Variants in HDAC9 observed in about 807,000 individuals in gnomAD.
The protein encoded by HDAC9 is histone deacetylase 9, also known as MEF-2 interacting transcription repressor (MITR) protein.
HDAC9 carries 41 observed loss-of-function variants against 139.4 expected under a neutral mutation model. That is an observed-to-expected ratio of 0.29 (90% CI 0.23 to 0.38). The LOEUF is 0.38. HDAC9 is among the 10% of genes least tolerant of loss of function. HDAC9 has a pLI of 1.00. For missense variants in HDAC9, 1,147 were observed against 1,297.0 expected, an observed-to-expected ratio of 0.88 and a Z score of 1.78; for synonymous variants, 517 against 476.2, an observed-to-expected ratio of 1.09 and a Z score of -1.12.
In HDAC9 at chr7:18,749,104, G is replaced by A. The variant is rs1443545854; in HGVS notation, c.2009G>A (p.Arg670Gln). The A allele has an allele frequency of 1.2e-6, 2 of 1,613,714 alleles. No homozygotes were observed. Among genetic ancestry groups the A allele is most frequent in the Non-Finnish European group, 1.7e-6 (2 of 1,179,772 alleles). ...HAGRIQSIWSRLQETGLLNKC... is the reference protein window; with the variant it reads ...HAGRIQSIWSQLQETGLLNKC... The stretch of plus-strand genomic sequence containing the variant: ...GGACGAATACAGAGTATCTGGTCAC[G>A]ACTGCAAGAAACTGGGCTGCTAAAT... The change falls in exon 14 of 26, where the codon CGA becomes CAA. Residue 670 changes from arginine to glutamine, a missense_variant. By Grantham distance (43) the Arg-to-Gln change is conservative (BLOSUM62 1). Coordinates refer to ENST00000686413, the MANE Select transcript of HDAC9 (RefSeq NM_178425.4).
At chr7:18,624,714 C>T (rs935188609) in intron 6 of HDAC9, among the ~76,000 whole-genome samples, 2 of 151,766 alleles carry the variant, frequency 1.3e-5, no homozygotes, top group Non-Finnish European at 2.9e-5. Context: ...TAACTGCAAA[C>T]GGAGTCAGCA....
chr7:18,244,525 G>A (rs531544334), intron 2 of HDAC9, among the ~76,000 whole-genome samples: 1 of 152,184 alleles, frequency 6.6e-6, no homozygotes, highest in East Asian at 1.9e-4. Context: ...GCGGCTAGGC[G>A]TGCTGGCTCA....
intron 1 of HDAC9, among the ~76,000 whole-genome samples, chr7:18,111,888 A>G (rs894734306): frequency 6.6e-6 from 1 of 152,182 alleles, no homozygotes; most frequent in African/African-American, 2.4e-5. Flanking sequence ...GGTGCAGTAG[A>G]GTGGTGTATG....
At chr7:18,936,476 C>T (rs1015863732) in intron 23 of HDAC9, among the ~76,000 whole-genome samples, 3 of 152,072 alleles carry the variant, frequency 2.0e-5, no homozygotes, top group African/African-American at 7.2e-5. Flanking sequence ...TCTAAATGGC[C>T]AAAGACCATT....
At chr7:18,145,052 A>G (rs1786202188) in intron 1 of HDAC9, among the ~76,000 whole-genome samples, 1 of 152,194 alleles carries the variant, frequency 6.6e-6, no homozygotes, top group Non-Finnish European at 1.5e-5. Flanking sequence ...TGTTTCCACA[A>G]TTTATGGACA....
intron 2 of HDAC9, among the ~76,000 whole-genome samples, chr7:18,534,120 T>C (rs555715966): frequency 7.2e-5 from 11 of 152,330 alleles, no homozygotes; most frequent in Admixed American, 5.9e-4. Flanking sequence ...GGAGCCTTCA[T>C]ATTTAAAATG....
At chr7:18,277,811 A>G (rs1248051154) in intron 2 of HDAC9, among the ~76,000 whole-genome samples, 1 of 152,244 alleles carries the variant, frequency 6.6e-6, no homozygotes, top group Non-Finnish European at 1.5e-5. Context: ...AATTAATAGG[A>G]AATGCTTTGT....
intron 17 of HDAC9, among the ~76,000 whole-genome samples, chr7:18,818,599 A>G (rs1215664689): frequency 6.6e-6 from 1 of 152,216 alleles, no homozygotes; most frequent in Non-Finnish European, 1.5e-5. Context: ...ACTACTGGGT[A>G]TTAAAGGTAG....
chr7:18,316,313 A>G, intron 1 of HDAC9, among the ~76,000 whole-genome samples: 1 of 152,186 alleles, frequency 6.6e-6, no homozygotes, highest in East Asian at 1.9e-4. Context: ...TATTAACAGA[A>G]TATTTCTGTT....
intron 13 of HDAC9, among the ~76,000 whole-genome samples, chr7:18,733,760 C>T (rs960905759): frequency 6.6e-6 from 1 of 152,012 alleles, no homozygotes; most frequent in Non-Finnish European, 1.5e-5. Flanking sequence ...TACCTTCACA[C>T]ATGTTTTGAA....
intron 6 of HDAC9, among the ~76,000 whole-genome samples, chr7:18,621,088 C>T (rs2128942604): frequency 6.6e-6 from 1 of 152,018 alleles, no homozygotes; most frequent in South Asian, 2.1e-4. Context: ...ATAGTATATC[C>T]TCATAATGTA....
At chr7:18,546,844 A>G (rs750423416) in intron 2 of HDAC9, among the ~76,000 whole-genome samples, 16 of 152,296 alleles carry the variant, frequency 1.1e-4, no homozygotes, top group Non-Finnish European at 1.3e-4. Context: ...CTTATTTGCA[A>G]TGGTCTGTCC....
rs139729411 is a variant in HDAC9, at chr7:18,376,626, A to C, written c.-42+86111A>C. Among the ~76,000 whole-genome samples, 41 of 152,248 alleles carry C rather than the reference A, an allele frequency of 2.7e-4. No individual in the cohort carries two copies. The East Asian group carries it at 4.7e-3, about 17-fold the overall frequency. ...CTTCTGGTTAATAACCATAAAACTAACATGAGCCTCCCTTCCTTTTGCTTA... is the reference window on the plus strand; with the variant it reads ...CTTCTGGTTAATAACCATAAAACTACCATGAGCCTCCCTTCCTTTTGCTTA... On this transcript the variant is annotated intron_variant, in intron 1 of 3. Coordinates refer to the HDAC9 transcript ENST00000413509.
intron 8 of HDAC9, among the ~76,000 whole-genome samples, chr7:18,642,305 G>A (rs1451120491): frequency 6.6e-6 from 1 of 152,006 alleles, no homozygotes; most frequent in African/African-American, 2.4e-5. Context: ...TTCCTGCCAT[G>A]AGCTTCAGAG....
chr7:18,499,658 C>T (rs567425306), intron 2 of HDAC9, among the ~76,000 whole-genome samples: 1 of 152,190 alleles, frequency 6.6e-6, no homozygotes, highest in Non-Finnish European at 1.5e-5. Context: ...CAGAGCTGTC[C>T]AGACAATATT....
intron 1 of HDAC9, among the ~76,000 whole-genome samples, chr7:18,141,692 T>A (rs1320068848): frequency 6.6e-6 from 1 of 152,164 alleles, no homozygotes; most frequent in African/African-American, 2.4e-5. Flanking sequence ...TGGAGCTCTT[T>A]TTTTTAACCT....
At chr7:18,140,504 A>G (rs1785822980) in intron 1 of HDAC9, among the ~76,000 whole-genome samples, 2 of 152,220 alleles carry the variant, frequency 1.3e-5, no homozygotes, top group African/African-American at 4.8e-5. Flanking sequence ...TACTTCAAAT[A>G]AGCAAAATTA....
Position 18,138,203 on chromosome 7 carries a change from T to C in HDAC9, c.-96-24026T>C, listed in dbSNP as rs201652574. Among the ~76,000 whole-genome samples, 65 of 152,212 alleles carry C rather than the reference T, an allele frequency of 4.3e-4. No individual in the cohort carries two copies. In the East Asian group the frequency reaches 0.012, roughly 28 times the overall value. On this transcript the variant is annotated intron_variant, in intron 1 of 12. Coordinates refer to the HDAC9 transcript ENST00000417496. ...TATTTGATTCTTCTCTCTTTTTTTC[T>C]TTATTAGTCTTGCTAGTGGTCTATC...
intron 2 of HDAC9, among the ~76,000 whole-genome samples, chr7:18,195,979 C>T (rs1454982301): frequency 6.6e-6 from 1 of 152,060 alleles, no homozygotes; most frequent in African/African-American, 2.4e-5. Flanking sequence ...CCAGGATAAC[C>T]GATTTTCTCC....
Sources: allele counts gnomAD v4.1 joint callset (sites outside exome capture counted in the v4.1 genomes callset), GRCh38; gene constraint gnomAD v4.1.1; transcripts MANE v1.5; gene names NCBI Gene and HGNC (gene_info 2026-07-23, HGNC 2026-07-21).